FAM9B: variants seen among roughly 807,000 people sequenced by gnomAD.
FAM9B encodes protein FAM9B.
Under a neutral mutation model 16.6 loss-of-function variants are expected in FAM9B, and 18 were observed. The observed-to-expected ratio is 1.09, with a 90% confidence interval of 0.75 to 1.61. FAM9B has a LOEUF of 1.61. FAM9B is among the 40% of genes most tolerant of loss of function. The pLI, the probability that FAM9B is intolerant of heterozygous loss-of-function variation, is 0.00. For synonymous variants in FAM9B, 43 were observed against 42.6 expected, an observed-to-expected ratio of 1.01 and a Z score of -0.03; for missense variants, 155 against 136.0, an observed-to-expected ratio of 1.14 and a Z score of -0.70.
chrX:9,030,550 G>A (rs1423652413), intron 4 of FAM9B, 190 bp from the exon 5 acceptor site: 5 of 313,749 alleles, frequency 1.6e-5, no homozygotes, highest in Non-Finnish European at 2.7e-5. Flanking sequence ...AAACCTTTCA[G>A]GTATTAACAT....
At chrX:9,028,709 T>C (rs140624016) in intron 6 of FAM9B, among the ~76,000 whole-genome samples, 4,257 of 111,214 alleles carry the variant, frequency 0.038, 206 homozygotes, top group African/African-American at 0.13. Flanking sequence ...AATTTTTCCA[T>C]GGTTTCCGAG....
At chrX:9,032,041 C>T in intron 4 of FAM9B, 89 bp downstream of exon 4, 1 of 832,022 alleles carries the variant, frequency 1.2e-6, no homozygotes, top group East Asian at 3.2e-5. Context: ...TTAAGACAGT[C>T]TTGTCGTCCA....
chrX:9,033,649 AC>A (rs1164550438), intron 1 of FAM9B: 1 of 649,801 alleles, frequency 1.5e-6, no homozygotes, highest in Non-Finnish European at 1.8e-6. Flanking sequence ...CCTAGGGATC[AC>A]CCAGGCAGCT....
In FAM9B at chrX:9,033,167, T is replaced by A. The variant is rs1242159770; in HGVS notation, c.-89-92A>T. The A allele has an allele frequency of 5.2e-6, 6 of 1,158,272 alleles. No homozygotes were observed. In the Admixed American group the frequency reaches 1.6e-4, roughly 30 times the overall value. ...ATCACAGGTTCAAGAAGGGTGGGGCTGGCCCGCCCTGGGTCTCATGTGGGA... is the reference window on the plus strand; with the variant it reads ...ATCACAGGTTCAAGAAGGGTGGGGCAGGCCCGCCCTGGGTCTCATGTGGGA... On this transcript the variant is annotated intron_variant, in intron 1 of 8. Coordinates refer to ENST00000327220, the MANE Select transcript of FAM9B (RefSeq NM_205849.3).
intron 1 of FAM9B, 147 bp downstream of exon 1, chrX:9,033,705 A>AAACCCCCC: frequency 9.2e-5 from 3 of 32,560 alleles, no homozygotes; most frequent in African/African-American, 3.4e-4. Flanking sequence ...ACCCTAGCCC[A>AAACCCCCC]CCCTCAGGGC....
intron 1 of FAM9B, among the ~76,000 whole-genome samples, chrX:9,033,608 A>C (rs1190120114): frequency 4.6e-5 from 2 of 43,671 alleles, no homozygotes; most frequent in African/African-American, 1.8e-4. Context: ...TCCCCCCAAC[A>C]CATGCACAAG....
chrX:9,030,676 G>T (rs1189903998), intron 4 of FAM9B: 2 of 153,056 alleles, frequency 1.3e-5, no homozygotes, highest in African/African-American at 6.2e-5. Context: ...TATAAGCACA[G>T]ACTTTAATTT....
rs1483996339 is a variant in FAM9B at position 9,025,355 on chromosome X, G to A, written c.*54C>T. 10 of 406,980 alleles carry A rather than the reference G, an allele frequency of 2.5e-5. No individual in the cohort carries two copies. The South Asian group carries it at 5.7e-4, about 23-fold the overall frequency. The allele number at this position is 406,980 out of a possible 1,213,427, so 33.5% of individuals were successfully genotyped here. A position where few individuals can be genotyped will look rare whatever the true frequency, so the allele number is the denominator to read the frequency against. ...TAACAGAGGTTGAAGAGACAACTGGGTAAGTGCCAACTTTTCCAAAAGCTG... is the reference window on the plus strand; with the variant it reads ...TAACAGAGGTTGAAGAGACAACTGGATAAGTGCCAACTTTTCCAAAAGCTG... On this transcript the variant is annotated 3_prime_UTR_variant, in exon 9 of 9. Coordinates refer to ENST00000327220, the MANE Select transcript of FAM9B (RefSeq NM_205849.3).
chrX:9,032,461 C>T lies in FAM9B; in HGVS notation c.29G>A (p.Gly10Glu). 8.3e-7 allele frequency: 1 copy of T among 1,206,659 alleles called. No homozygotes were observed. Among genetic ancestry groups the T allele is most frequent in the Non-Finnish European group, 1.1e-6 (1 of 894,008 alleles). MAAWGKKHA[G>E]KDPVRDECEE... Reference sequence around the variant, plus strand: ...ACATTCATCACGGACTGGATCCTTTCCTGCATTAAAATGTAAAAGACAAAC... The same window carrying T: ...ACATTCATCACGGACTGGATCCTTTTCTGCATTAAAATGTAAAAGACAAAC... The change falls in exon 3 of 9, where the codon GGA becomes GAA. Residue 10 changes from glycine to glutamate, a missense_variant and splice_region_variant. Transcript: ENST00000327220.
rs72611469 is a variant in FAM9B, at chrX:9,033,123, G to A, written c.-89-48C>T. The A allele has an allele frequency of 2.0e-3, 2,365 of 1,180,534 alleles. 32 individuals carry two copies. The East Asian group carries it at 0.051, about 25-fold the overall frequency. ...AAGGAAGCTAAGGAAACCTGGCATC[G>A]GAAAGGAAAGCCATTGGGATCACAG... On this transcript the variant is annotated intron_variant, in intron 1 of 8. Transcript: ENST00000327220.
rs1199411187 is a variant in FAM9B, at chrX:9,027,890, A to G, written c.470T>C (p.Leu157Pro). 7.4e-6 allele frequency: 9 copies of G among 1,208,792 alleles called. No individual in the cohort carries two copies. Among genetic ancestry groups the G allele is most frequent in the African/African-American group, 1.7e-5 (1 of 57,241 alleles). ...VRRERLKEMK[L>P]LRDQFVKALE... Reference sequence around the variant, plus strand: ...GACCTTTACGAATTGGTCACGTAGCAGCTTCATCTCTTTCAGCCTCTCTCT... The same window carrying G: ...GACCTTTACGAATTGGTCACGTAGCGGCTTCATCTCTTTCAGCCTCTCTCT... Residue 157 changes from leucine to proline, a missense_variant, in exon 7 of 9, where the codon CTG becomes CCG. By Grantham distance (98) the Leu-to-Pro change is moderately conservative (BLOSUM62 -3). Coordinates refer to ENST00000327220, the MANE Select transcript of FAM9B (RefSeq NM_205849.3).
chrX:9,033,771 G>T (rs1487377873), intron 1 of FAM9B, 81 bp downstream of exon 1: 5 of 749,303 alleles, frequency 6.7e-6, no homozygotes, highest in African/African-American at 2.4e-5. Flanking sequence ...TCACAGGTCG[G>T]CGGGCTGCCC....
At chrX:9,027,655 C>T (rs1227616789) in intron 7 of FAM9B, among the ~76,000 whole-genome samples, 1 of 111,653 alleles carries the variant, frequency 9.0e-6, no homozygotes, top group East Asian at 2.8e-4. Flanking sequence ...TTTACCTTTT[C>T]CTGTTCTAAA....
At chrX:9,028,086 T>G in intron 6 of FAM9B, 120 bp from the exon 7 acceptor site, 1 of 486,538 alleles carries the variant, frequency 2.1e-6, no homozygotes, top group Non-Finnish European at 3.5e-6. Flanking sequence ...CACTTTCTTT[T>G]AGACAACATT....
chrX:9,030,734 A>G (rs149199890), intron 4 of FAM9B: 1,485 of 123,378 alleles, frequency 0.012, 22 homozygotes, highest in African/African-American at 0.046. Flanking sequence ...CTTCCATGAA[A>G]TACTGCACAA....
At chrX:9,033,773 G>A in intron 1 of FAM9B, 79 bp downstream of exon 1, 2 of 748,121 alleles carry the variant, frequency 2.7e-6, no homozygotes, top group Non-Finnish European at 3.1e-6. Flanking sequence ...ACAGGTCGGC[G>A]GGCTGCCCAG....
intron 4 of FAM9B, 87 bp from the exon 5 acceptor site, chrX:9,030,447 G>A: frequency 1.7e-6 from 1 of 603,711 alleles, no homozygotes; most frequent in Non-Finnish European, 2.4e-6. Context: ...CATCAATATG[G>A]GACTTTATGG....
rs1920958479 is a variant in FAM9B at position 9,025,327 on chromosome X, G to C, written c.*82C>G. ...GTTCAAGTTCTTTCTTCAGTCATCA[G>C]AATAACAGAGGTTGAAGAGACAACT... On this transcript the variant is annotated 3_prime_UTR_variant, in exon 9 of 9. Coordinates refer to ENST00000327220, the MANE Select transcript of FAM9B (RefSeq NM_205849.3). 1 of 374,740 alleles carries C rather than the reference G, an allele frequency of 2.7e-6. No individual in the cohort carries two copies. The highest frequency in any genetic ancestry group is 5.2e-5 in the Admixed American group (1 of 19,395). The allele number at this position is 374,740 out of a possible 1,213,427, so 30.9% of individuals were successfully genotyped here.
At position 9,025,484 on chromosome X, in the gene FAM9B, AG is replaced by A. The variant is rs1160547196; in HGVS notation, c.*30del. On this transcript the variant is annotated splice_region_variant and 3_prime_UTR_variant, in exon 8 of 9. Transcript: ENST00000327220. ...TTAATATTAAATATGCACTACTTAC[AG>A]TTCTGACATGATTTTATTTAAAAAC... 15 of 1,101,633 alleles carry A rather than the reference AG, an allele frequency of 1.4e-5. No individual in the cohort carries two copies. The highest frequency in any genetic ancestry group is 1.9e-5 in the Non-Finnish European group (15 of 805,151). The allele number at this position is 1,101,633 out of a possible 1,213,427, so 90.8% of individuals were successfully genotyped here.
Sources: allele counts gnomAD v4.1 joint callset (sites outside exome capture counted in the v4.1 genomes callset), GRCh38; gene constraint gnomAD v4.1.1; transcripts MANE v1.5; gene names NCBI Gene and HGNC (gene_info 2026-07-23, HGNC 2026-07-21).